The following CTIF variants were observed in gnomAD, a reference collection of about 807,000 sequenced individuals.
CTIF encodes the protein CBP80/20-dependent translation initiation factor.
CTIF carries 21 observed loss-of-function variants against 66.0 expected under a neutral mutation model. The ratio of observed to expected loss-of-function variants is 0.32; its 90% confidence interval spans 0.23 to 0.46. The LOEUF (loss-of-function observed/expected upper bound fraction) is 0.46. Among genes scored for constraint, CTIF ranks in the 20% least tolerant of loss-of-function variants. The pLI is 1.00. For missense variants in CTIF, 739 were observed against 812.7 expected (o/e 0.91, Z 1.10); for synonymous variants, 345 against 326.4 (o/e 1.06, Z -0.62).
At position 48,620,765 on chromosome 18, in the gene CTIF, G is replaced by T. The variant is rs1473672568; in HGVS notation, c.180+1020G>T. Among the ~76,000 whole-genome samples the T allele has an allele frequency of 5.9e-5, 9 of 152,192 alleles. 1 individual carries two copies. Among genetic ancestry groups the T allele is most frequent in the Admixed American group, 1.3e-4 (2 of 15,286 alleles). ...GGGACTCCTGGGACAATCAGAAGGT[G>T]AGCTACCTGGGTGCACCCTGCTTTG... On this transcript the variant is annotated intron_variant, in intron 2 of 11. Coordinates refer to ENST00000256413, the MANE Select transcript of CTIF (RefSeq NM_014772.3).
At chr18:48,851,193 G>A (rs2069192780) in intron 10 of CTIF, among the ~76,000 whole-genome samples, 1 of 152,262 alleles carries the variant, frequency 6.6e-6, no homozygotes, top group Non-Finnish European at 1.5e-5. Context: ...AGCAGGGGCA[G>A]TGGCCCCAGG....
chr18:48,757,877 G>C, intron 7 of CTIF, 42 bp from the exon 8 acceptor site: 2 of 1,579,466 alleles, frequency 1.3e-6, no homozygotes, highest in South Asian at 2.3e-5. Context: ...TGACCAGCCC[G>C]CCCAGTGATC....
chr18:48,758,684 G>A (rs1908663984), intron 8 of CTIF, among the ~76,000 whole-genome samples: 1 of 152,230 alleles, frequency 6.6e-6, no homozygotes. Flanking sequence ...CCCAGCCCAA[G>A]GGAGTAGGGG....
chr18:48,633,078 G>C (rs1202657096), intron 2 of CTIF, among the ~76,000 whole-genome samples: 1 of 111,854 alleles, frequency 8.9e-6, no homozygotes, highest in Non-Finnish European at 2.1e-5. Flanking sequence ...CCCTGGAGAA[G>C]GTGTGTCCCC....
intron 1 of CTIF, among the ~76,000 whole-genome samples, chr18:48,596,443 G>A (rs1262816620): frequency 6.6e-6 from 1 of 151,974 alleles, no homozygotes; most frequent in Non-Finnish European, 1.5e-5. Context: ...TGTGCCAATG[G>A]AATCAGTCCC....
At chr18:48,635,921 T>C (rs921692724) in intron 2 of CTIF, among the ~76,000 whole-genome samples, 5 of 152,196 alleles carry the variant, frequency 3.3e-5, no homozygotes, top group Non-Finnish European at 7.3e-5. Context: ...AGACTCCCAA[T>C]GCATCCCTTG....
chr18:48,773,093 G>A (rs1438763427), intron 9 of CTIF, among the ~76,000 whole-genome samples: 1 of 152,144 alleles, frequency 6.6e-6, no homozygotes, highest in Non-Finnish European at 1.5e-5. Flanking sequence ...TGGGACTCAG[G>A]GAGCCATTGT....
intron 9 of CTIF, among the ~76,000 whole-genome samples, chr18:48,799,701 C>T (rs1272734237): frequency 6.6e-6 from 1 of 152,170 alleles, no homozygotes; most frequent in Non-Finnish European, 1.5e-5. Context: ...AGAAGCCCAC[C>T]TCTCTCTGTG....
At chr18:48,811,383 C>T (rs900492599) in intron 9 of CTIF, among the ~76,000 whole-genome samples, 5 of 152,022 alleles carry the variant, frequency 3.3e-5, no homozygotes, top group African/African-American at 7.2e-5. Flanking sequence ...AACATGCATT[C>T]GGAAAGTTCT....
At chr18:48,837,374 C>G (rs906476608) in intron 10 of CTIF, among the ~76,000 whole-genome samples, 3 of 152,014 alleles carry the variant, frequency 2.0e-5, no homozygotes, top group Non-Finnish European at 4.4e-5. Context: ...GACACCGAGA[C>G]CACTGTTCAT....
chr18:48,622,277 T>TG (rs2090509232), intron 2 of CTIF, among the ~76,000 whole-genome samples: 1 of 151,770 alleles, frequency 6.6e-6, no homozygotes. Context: ...GCTAGAAAGA[T>TG]GGTGGGGGTG....
At chr18:48,564,114 T>A (rs980348649) in intron 1 of CTIF, among the ~76,000 whole-genome samples, 13 of 152,224 alleles carry the variant, frequency 8.5e-5, no homozygotes, top group Admixed American at 3.9e-4. Flanking sequence ...AGCCAGCTTT[T>A]CTGAAGTGTT....
chr18:48,830,007 C>T (rs565055060), intron 10 of CTIF, among the ~76,000 whole-genome samples: 9 of 152,274 alleles, frequency 5.9e-5, no homozygotes, highest in South Asian at 2.1e-4. Context: ...AGAGTGTGGG[C>T]GGGGCCAGGC....
intron 9 of CTIF, among the ~76,000 whole-genome samples, chr18:48,802,471 A>G (rs2068067863): frequency 6.6e-6 from 1 of 152,194 alleles, no homozygotes; most frequent in Non-Finnish European, 1.5e-5. Context: ...TGACCTTTTC[A>G]AACTTGATGC....
chr18:48,612,804 C>A (rs2090330927), intron 1 of CTIF, among the ~76,000 whole-genome samples: 1 of 152,146 alleles, frequency 6.6e-6, no homozygotes, highest in Non-Finnish European at 1.5e-5. Context: ...CCACCTGGGC[C>A]CCCTGCAGCG....
At chr18:48,593,662 G>C (rs1183311570) in intron 1 of CTIF, among the ~76,000 whole-genome samples, 1 of 151,778 alleles carries the variant, frequency 6.6e-6, no homozygotes, top group Non-Finnish European at 1.5e-5. Context: ...GATTACAGGT[G>C]TGAGCCACCA....
Position 48,589,736 on chromosome 18 carries a change from T to C in CTIF, c.-28-29802T>C, listed in dbSNP as rs1380867451. ...GTAAGACCTGTATCATTAATAAACA[T>C]TTTGCTAGTCTTGGATGCTTCTTTG... On this transcript the variant is annotated intron_variant, in intron 1 of 11. Transcript: ENST00000256413. Among the ~76,000 whole-genome samples the C allele has an allele frequency of 3.9e-5, 6 of 152,244 alleles. No individual in the cohort carries two copies. The East Asian group carries it at 7.7e-4, about 20-fold the overall frequency.
chr18:48,735,847 C>T (rs2092497161), intron 7 of CTIF, among the ~76,000 whole-genome samples: 1 of 152,164 alleles, frequency 6.6e-6, no homozygotes, highest in African/African-American at 2.4e-5. Context: ...GAGCTGCAGC[C>T]ATCAATCTGG....
chr18:48,750,215 G>A (rs1333678590), intron 7 of CTIF, among the ~76,000 whole-genome samples: 1 of 152,222 alleles, frequency 6.6e-6, no homozygotes, highest in African/African-American at 2.4e-5. Context: ...GTCGGGGTTG[G>A]TCTCCCCATT....
Sources: allele counts gnomAD v4.1 joint callset (sites outside exome capture counted in the v4.1 genomes callset), GRCh38; gene constraint gnomAD v4.1.1; transcripts MANE v1.5; gene names NCBI Gene and HGNC (gene_info 2026-07-23, HGNC 2026-07-21).